NOMO1: variants seen among roughly 807,000 people sequenced by gnomAD.
The protein encoded by NOMO1 is NODAL modulator 1.
A neutral mutation model predicts 133.8 loss-of-function variants in NOMO1; 40 were observed. That is an observed-to-expected ratio of 0.30 (90% CI 0.23 to 0.39). The LOEUF is 0.39. NOMO1 is among the 10% of genes least tolerant of loss of function. The pLI, the probability that NOMO1 is intolerant of heterozygous loss-of-function variation, is 1.00. For synonymous variants in NOMO1, 236 were observed against 570.5 expected, an observed-to-expected ratio of 0.41 and a Z score of 8.36; for missense variants, 462 against 1,419.9, an observed-to-expected ratio of 0.33 and a Z score of 10.84.
intron 23 of NOMO1, 38 bp from the exon 24 acceptor site, chr16:14,879,977 G>C (rs748600198): frequency 1.2e-6 from 2 of 1,611,610 alleles, no homozygotes; most frequent in Admixed American, 3.3e-5. Context: ...GCCATGCCTA[G>C]ATGTGGCTGC....
chr16:14,883,475 GCA>G lies in NOMO1; in HGVS notation c.3111+804_3111+805del, dbSNP rs1192758670. ...CCTCAGCCTGTAGCTGGGACTACAG[GCA>G]CACACCATCACACCCGGCTAATTTT... On this transcript the variant is annotated intron_variant, in intron 26 of 30. Coordinates refer to ENST00000287667, the MANE Select transcript of NOMO1 (RefSeq NM_014287.4). 5.9e-5 allele frequency among the ~76,000 whole-genome samples: 9 copies of G among 151,816 alleles called. No individual in the cohort carries two copies. In the East Asian group the frequency reaches 1.6e-3, roughly 26 times the overall value.
At chr16:14,866,971 T>C (rs1046866639) in intron 15 of NOMO1, among the ~76,000 whole-genome samples, 1 of 148,558 alleles carries the variant, frequency 6.7e-6, no homozygotes, top group African/African-American at 2.6e-5. Context: ...ACTGGCTTTA[T>C]ATTATTAGTA....
chr16:14,883,512 A>C, intron 26 of NOMO1, among the ~76,000 whole-genome samples: 1 of 151,584 alleles, frequency 6.6e-6, no homozygotes, highest in Non-Finnish European at 1.5e-5. Context: ...TTGTATTTTT[A>C]GTAGAGACGG....
At chr16:14,852,157 G>A (rs1374756472) in intron 6 of NOMO1, among the ~76,000 whole-genome samples, 1 of 150,672 alleles carries the variant, frequency 6.6e-6, no homozygotes, top group African/African-American at 2.5e-5. Flanking sequence ...GCGTGGTGGC[G>A]AGCACTTGTA....
intron 16 of NOMO1, among the ~76,000 whole-genome samples, chr16:14,871,171 T>C (rs1266498355): frequency 6.6e-6 from 1 of 151,814 alleles, no homozygotes; most frequent in Admixed American, 6.6e-5. Flanking sequence ...ACTCACACTT[T>C]TCTGGGGCTT....
At chr16:14,871,529 T>C (rs1412443281) in intron 16 of NOMO1, 92 bp from the exon 17 acceptor site, 17 of 1,595,142 alleles carry the variant, frequency 1.1e-5, no homozygotes, top group African/African-American at 2.7e-5. Context: ...AGTTTTCACA[T>C]GCAAAGAGCT....
intron 6 of NOMO1, among the ~76,000 whole-genome samples, chr16:14,851,475 A>T (rs1406294332): frequency 7.0e-6 from 1 of 142,458 alleles, no homozygotes; most frequent in Non-Finnish European, 1.5e-5. Flanking sequence ...ACAGAGTTTA[A>T]TTGAGCATAG....
intron 26 of NOMO1, 122 bp from the exon 27 acceptor site, chr16:14,884,250 T>G: frequency 6.7e-7 from 1 of 1,481,608 alleles, no homozygotes; most frequent in Non-Finnish European, 9.3e-7. Flanking sequence ...AATGACAAAC[T>G]TCGCTTCCTT....
rs534304845 is a variant in NOMO1 at position 14,892,665 on chromosome 16, C to T, written c.3445-2333C>T. Among the ~76,000 whole-genome samples, 17 of 150,410 alleles carry T rather than the reference C, an allele frequency of 1.1e-4. 1 individual carries two copies. The South Asian group carries it at 3.4e-3, about 30-fold the overall frequency. ...TGGGGCTTGGATTCCCGAGCAGGGC[C>T]AAGTGTTGAATGAAGAGAGCGCCCA... is the stretch of plus-strand genomic sequence containing the variant. On this transcript the variant is annotated intron_variant, in intron 29 of 30. Coordinates refer to ENST00000287667, the MANE Select transcript of NOMO1 (RefSeq NM_014287.4).
At chr16:14,866,726 A>C in intron 15 of NOMO1, 35 bp downstream of exon 15, 4 of 1,609,824 alleles carry the variant, frequency 2.5e-6, no homozygotes, top group Non-Finnish European at 3.4e-6. Context: ...TATTTGGAAA[A>C]GCGCTCGCCT....
At chr16:14,889,318 G>A in intron 29 of NOMO1, 103 bp downstream of exon 29, 1 of 1,608,004 alleles carries the variant, frequency 6.2e-7, no homozygotes, top group Non-Finnish European at 8.5e-7. Flanking sequence ...GATCTCTTGA[G>A]CCCAGGAGTT....
In NOMO1 at chr16:14,874,043, G is replaced by A. The variant is rs567633446; in HGVS notation, c.2055-993G>A. On this transcript the variant is annotated intron_variant, in intron 18 of 30. Coordinates refer to ENST00000287667, the MANE Select transcript of NOMO1 (RefSeq NM_014287.4). ...AGCCTTGGTCTGACCCCCCTCTGGG[G>A]TCACTGTAGCAGCTTCCCAGCTGGG... 7.3e-5 allele frequency among the ~76,000 whole-genome samples: 3 copies of A among 41,248 alleles called. No homozygotes were observed. In the Admixed American group the frequency reaches 1.2e-3, roughly 17 times the overall value. The allele number at this position is 41,248 out of a possible 152,430, so 27.1% of individuals were successfully genotyped here.
intron 11 of NOMO1, among the ~76,000 whole-genome samples, chr16:14,859,684 T>C (rs887012267): frequency 5.9e-5 from 9 of 151,898 alleles, no homozygotes; most frequent in African/African-American, 1.9e-4. Flanking sequence ...TTTCATAACC[T>C]GGTCTAAAAA....
chr16:14,852,772 G>A (rs1963778940), intron 7 of NOMO1, among the ~76,000 whole-genome samples, 190 bp downstream of exon 7: 1 of 151,234 alleles, frequency 6.6e-6, no homozygotes, highest in Non-Finnish European at 1.5e-5. Context: ...AGGCCAAGGT[G>A]GGTGGATCAC....
In NOMO1 at chr16:14,853,972, T is replaced by C. The variant is rs140123378; in HGVS notation, c.909T>C (p.Asp303=). The C allele has an allele frequency of 4.3e-4, 692 of 1,609,214 alleles. 1 individual carries two copies. The highest frequency in any genetic ancestry group is 5.7e-4 in the Non-Finnish European group (667 of 1,179,408). Residue 303 remains aspartate, a synonymous_variant, in exon 9 of 31, where the codon GAT becomes GAC. Transcript: ENST00000287667. ...PFYRGERITF[D]VAPSRLDFTV... The stretch of plus-strand genomic sequence containing the variant: ...ATCGAGGGGAGAGGATTACCTTTGA[T>C]GTGGCGCCTTCCAGACTTGACTTCA...
intron 29 of NOMO1, 127 bp downstream of exon 29, chr16:14,889,342 G>T: frequency 1.3e-6 from 2 of 1,565,660 alleles, no homozygotes; most frequent in Admixed American, 3.8e-5. Flanking sequence ...GACCAGCCTA[G>T]GCAATACGGT....
chr16:14,874,909 C>T, intron 18 of NOMO1, 127 bp from the exon 19 acceptor site: 2 of 739,184 alleles, frequency 2.7e-6, no homozygotes, highest in South Asian at 3.7e-5. Flanking sequence ...AAACAGAAGA[C>T]TCCGCCACTG....
At chr16:14,884,572 C>G in intron 27 of NOMO1, 90 bp downstream of exon 27, 1 of 1,596,014 alleles carries the variant, frequency 6.3e-7, no homozygotes, top group Non-Finnish European at 8.6e-7. Flanking sequence ...GTGCCTGTCT[C>G]GTGCCTTAGG....
intron 11 of NOMO1, chr16:14,862,379 A>G (rs911462704): frequency 1.3e-5 from 2 of 153,974 alleles, no homozygotes; most frequent in African/African-American, 4.8e-5. Flanking sequence ...TAGAATCTCA[A>G]ATCTGAAGCA....
Sources: gnomAD v4.1 joint callset for allele counts (sites outside exome capture counted in the v4.1 genomes callset) on GRCh38, gnomAD v4.1.1 for gene constraint, MANE v1.5 for transcripts, NCBI Gene and HGNC (gene_info 2026-07-23, HGNC 2026-07-21) for gene names.